The following UBE2D3 variants were observed in gnomAD, a reference collection of about 807,000 sequenced individuals.
UBE2D3 encodes ubiquitin-conjugating enzyme E2 D3.
UBE2D3 carries 2 observed loss-of-function variants against 22.8 expected under a neutral mutation model. The ratio of observed to expected loss-of-function variants is 0.09; its 90% CI spans 0.04 to 0.28. The LOEUF (loss-of-function observed/expected upper bound fraction) is 0.28. UBE2D3 is among the 10% of genes least tolerant of loss of function. The pLI is 1.00. For missense variants in UBE2D3, 27 were observed against 182.5 expected, an observed-to-expected ratio of 0.15 and a Z score of 4.91; for synonymous variants, 56 against 60.4, an observed-to-expected ratio of 0.93 and a Z score of 0.34.
intron 1 of UBE2D3, 128 bp from the exon 2 acceptor site, chr4:102,826,764 G>A: frequency 4.6e-6 from 6 of 1,312,000 alleles, no homozygotes; most frequent in Non-Finnish European, 5.8e-6. Context: ...AACAGCCTCT[G>A]TACCGTGCTT....
At chr4:102,825,944 A>G (rs376105389) in intron 2 of UBE2D3, 1 of 356,868 alleles carries the variant, frequency 2.8e-6, no homozygotes, top group South Asian at 2.1e-5. Context: ...AGAGTCGACT[A>G]AGAGTTTCTA....
chr4:102,805,218 GA>G (rs1726840665), intron 4 of UBE2D3, among the ~76,000 whole-genome samples: 1 of 152,116 alleles, frequency 6.6e-6, no homozygotes, highest in Non-Finnish European at 1.5e-5. Flanking sequence ...AAAAGAGGAA[GA>G]ACTACGAGGT....
chr4:102,802,900 AG>A (rs1394892992), intron 4 of UBE2D3, among the ~76,000 whole-genome samples: 8 of 152,236 alleles, frequency 5.3e-5, no homozygotes, highest in Non-Finnish European at 8.8e-5. Flanking sequence ...CAAGTATTCT[AG>A]ATCTCAATTC....
chr4:102,804,335 T>A (rs931770211), intron 4 of UBE2D3, among the ~76,000 whole-genome samples: 1 of 151,932 alleles, frequency 6.6e-6, no homozygotes, highest in African/African-American at 2.4e-5. Flanking sequence ...GCTAATTTTT[T>A]ATTTTTAGTA....
chr4:102,802,268 AGAC>A, intron 5 of UBE2D3: 1 of 241,390 alleles, frequency 4.1e-6, no homozygotes, highest in Non-Finnish European at 7.9e-6. Flanking sequence ...GATGCTTACA[AGAC>A]AACAAAAGCC....
intron 1 of UBE2D3, among the ~76,000 whole-genome samples, chr4:102,863,523 C>T (rs977417898): frequency 6.6e-6 from 1 of 152,122 alleles, no homozygotes. Context: ...TTGAGACAGT[C>T]TCACTCTGTG....
chr4:102,809,464 T>C, intron 4 of UBE2D3: 1 of 587,250 alleles, frequency 1.7e-6, no homozygotes, highest in Non-Finnish European at 3.0e-6. Context: ...GGCTATACTC[T>C]AGAACGTGAA....
chr4:102,804,791 C>T (rs1227646323), intron 4 of UBE2D3, among the ~76,000 whole-genome samples: 2 of 152,162 alleles, frequency 1.3e-5, no homozygotes, highest in African/African-American at 2.4e-5. Flanking sequence ...TCTCCCACCT[C>T]ACCCTCCCGA....
At chr4:102,854,697 G>A (rs923364149) in intron 1 of UBE2D3, among the ~76,000 whole-genome samples, 1 of 152,046 alleles carries the variant, frequency 6.6e-6, no homozygotes, top group Non-Finnish European at 1.5e-5. Flanking sequence ...TATATTTAAA[G>A]TGAGTTTCTT....
At chr4:102,811,626 C>T (rs556345875) in intron 2 of UBE2D3, 141 of 309,128 alleles carry the variant, frequency 4.6e-4, no homozygotes, top group South Asian at 3.3e-3. Context: ...GGCTGCAGAT[C>T]GCGCCACTGC....
At chr4:102,860,050 T>C (rs1021016170) in intron 1 of UBE2D3, among the ~76,000 whole-genome samples, 6 of 152,128 alleles carry the variant, frequency 3.9e-5, no homozygotes, top group Non-Finnish European at 7.4e-5. Context: ...CGTTTCACCA[T>C]GTTAGCCAGG....
chr4:102,798,314 ATATTGT>A (rs1430401235), intron 7 of UBE2D3, among the ~76,000 whole-genome samples: 2 of 148,610 alleles, frequency 1.3e-5, no homozygotes, highest in Admixed American at 6.7e-5. Flanking sequence ...GAGAATTTTT[ATATTGT>A]TTAAATATTA....
intron 5 of UBE2D3, chr4:102,801,922 G>A: frequency 5.9e-6 from 1 of 168,920 alleles, no homozygotes. Context: ...GTTTCATTAA[G>A]TTACACAGGT....
intron 6 of UBE2D3, 138 bp from the exon 7 acceptor site, chr4:102,799,638 A>G: frequency 1.6e-6 from 1 of 609,072 alleles, no homozygotes. Flanking sequence ...ACACAGTTTT[A>G]CAGAGATTTT....
At chr4:102,823,517 G>T (rs1461450918) in intron 2 of UBE2D3, among the ~76,000 whole-genome samples, 2 of 152,144 alleles carry the variant, frequency 1.3e-5, no homozygotes, top group South Asian at 4.1e-4. Flanking sequence ...AACTTAACAG[G>T]GTGTATACAA....
At chr4:102,863,136 C>T (rs143584610) in intron 1 of UBE2D3, among the ~76,000 whole-genome samples, 2,486 of 152,118 alleles carry the variant, frequency 0.016, 64 homozygotes, top group African/African-American at 0.054. Context: ...TAGCAACCTC[C>T]GTCTCCCAGG....
Position 102,860,994 on chromosome 4 carries a change from C to T in UBE2D3, c.-129+7721G>A, listed in dbSNP as rs115107681. Reference sequence around the variant, plus strand: ...TGTTGGTTGCTATAAGCCTCTGCTTCTTTTCCCTTCTCCTAGATATTCCTA... The same window carrying T: ...TGTTGGTTGCTATAAGCCTCTGCTTTTTTTCCCTTCTCCTAGATATTCCTA... On this transcript the variant is annotated intron_variant, in intron 1 of 7. Coordinates refer to the UBE2D3 transcript ENST00000338145. 3.1e-3 allele frequency among the ~76,000 whole-genome samples: 465 copies of T among 152,104 alleles called. 5 individuals are homozygous for T. Among genetic ancestry groups the T allele is most frequent in the African/African-American group, 0.011 (451 of 41,542 alleles).
chr4:102,807,626 T>A lies in UBE2D3; in HGVS notation c.120+2046A>T, dbSNP rs138963390. 7.9e-3 allele frequency among the ~76,000 whole-genome samples: 1,198 copies of A among 152,276 alleles called. 15 individuals are homozygous for A. Among genetic ancestry groups the A allele is most frequent in the African/African-American group, 0.028 (1,144 of 41,542 alleles). The stretch of plus-strand genomic sequence containing the variant: ...AAGCAGAAAACTGCTAGTCATTATA[T>A]TAAAAGGTTGCTGAAAAAGTTCAGC... On this transcript the variant is annotated intron_variant, in intron 4 of 7. Transcript: ENST00000453744.
rs1212291975 is a variant in UBE2D3 at position 102,804,624 on chromosome 4, T to C, written c.121-1986A>G. On this transcript the variant is annotated intron_variant, in intron 4 of 7. Transcript: ENST00000453744. ...ACCTGATCCAATACTATACAAGATA[T>C]GTTTTTTCTGTGTAAAATTAACAAT... 2.6e-5 allele frequency among the ~76,000 whole-genome samples: 4 copies of C among 152,328 alleles called. No homozygotes were observed. The Middle Eastern group carries it at 0.014, about 518-fold the overall frequency.
Sources: gnomAD v4.1 joint callset for allele counts (sites outside exome capture counted in the v4.1 genomes callset) on GRCh38, gnomAD v4.1.1 for gene constraint, MANE v1.5 for transcripts, NCBI Gene and HGNC (gene_info 2026-07-23, HGNC 2026-07-21) for gene names.